Variants in EZH2 observed in about 807,000 individuals in gnomAD.
EZH2 encodes histone-lysine N-methyltransferase EZH2.
A neutral mutation model predicts 98.4 loss-of-function variants in EZH2; 18 were observed. That is an observed-to-expected ratio of 0.18 (90% CI 0.13 to 0.27). The LOEUF is 0.27. EZH2 is among the 10% of genes least tolerant of loss of function. The pLI is 1.00. For missense variants in EZH2, 470 were observed against 935.1 expected, an observed-to-expected ratio of 0.50 and a Z score of 6.49; for synonymous variants, 338 against 312.3, an observed-to-expected ratio of 1.08 and a Z score of -0.87.
chr7:148,827,413 T>C, intron 6 of EZH2, 147 bp from the exon 7 acceptor site: 1 of 600,240 alleles, frequency 1.7e-6, no homozygotes, highest in South Asian at 2.3e-5. Context: ...TCTCACATAC[T>C]TTACATGTCT....
At chr7:148,854,391 G>A (rs975340105) in intron 1 of EZH2, among the ~76,000 whole-genome samples, 2 of 150,626 alleles carry the variant, frequency 1.3e-5, no homozygotes, top group South Asian at 4.2e-4. Context: ...AGCCGAGATC[G>A]TGCCACTGCA....
intron 1 of EZH2, among the ~76,000 whole-genome samples, chr7:148,850,088 C>T (rs985915065): frequency 3.3e-5 from 5 of 151,958 alleles, no homozygotes; most frequent in African/African-American, 4.8e-5. Flanking sequence ...GTGCAATCTC[C>T]GCTCACTGCA....
At chr7:148,861,740 G>C (rs1391328721) in intron 1 of EZH2, among the ~76,000 whole-genome samples, 1 of 150,942 alleles carries the variant, frequency 6.6e-6, no homozygotes, top group Non-Finnish European at 1.5e-5. Context: ...CGGGGCTGAG[G>C]CAGGAGGACC....
chr7:148,809,923 C>G (rs1199727617), intron 17 of EZH2, among the ~76,000 whole-genome samples: 2 of 152,246 alleles, frequency 1.3e-5, no homozygotes, highest in Non-Finnish European at 2.9e-5. Context: ...CCTTTCCTCT[C>G]AGTCCTTTGA....
At chr7:148,816,931 T>A (rs1449821657) in intron 11 of EZH2, 153 bp from the exon 12 acceptor site, 1 of 623,660 alleles carries the variant, frequency 1.6e-6, no homozygotes, top group African/African-American at 1.8e-5. Context: ...ACCCTCACAT[T>A]AGGGGTAGCT....
chr7:148,812,225 C>T (rs1260890689), intron 15 of EZH2, among the ~76,000 whole-genome samples: 1 of 152,162 alleles, frequency 6.6e-6, no homozygotes, highest in Non-Finnish European at 1.5e-5. Flanking sequence ...CCCATAGCAG[C>T]TTGGCTTTGG....
chr7:148,830,544 C>T (rs759232469), intron 4 of EZH2, among the ~76,000 whole-genome samples: 1 of 151,910 alleles, frequency 6.6e-6, no homozygotes, highest in Non-Finnish European at 1.5e-5. Flanking sequence ...TCTAGGGATA[C>T]AGAGTATTGA....
chr7:148,882,960 T>C (rs1015625788), intron 1 of EZH2, among the ~76,000 whole-genome samples: 2 of 152,224 alleles, frequency 1.3e-5, no homozygotes, highest in African/African-American at 4.8e-5. Flanking sequence ...ACGAGACCAA[T>C]TAATAAGAAA....
chr7:148,881,952 A>G (rs1821028869), intron 1 of EZH2, among the ~76,000 whole-genome samples: 1 of 77,696 alleles, frequency 1.3e-5, no homozygotes, highest in Admixed American at 1.5e-4. Flanking sequence ...AAAAACATAT[A>G]CACACACACA....
chr7:148,865,065 T>C (rs1172718589), intron 1 of EZH2, among the ~76,000 whole-genome samples: 4 of 149,752 alleles, frequency 2.7e-5, no homozygotes, highest in Non-Finnish European at 5.9e-5. Context: ...AGGCAGAGGA[T>C]GCGTTAAGCT....
At chr7:148,883,216 C>A (rs1473687517) in intron 1 of EZH2, 1 of 152,198 alleles carries the variant, frequency 6.6e-6, no homozygotes, top group Non-Finnish European at 1.5e-5. Context: ...ACCAAGTTTT[C>A]CAAAAGATCG....
intron 11 of EZH2, chr7:148,817,008 G>A (rs1350450871): frequency 1.7e-6 from 1 of 599,204 alleles, no homozygotes; most frequent in African/African-American, 1.9e-5. Context: ...AAAAGCTACT[G>A]CTATCTAACC....
In EZH2 at chr7:148,811,697, G is replaced by A. The variant is rs749847544; in HGVS notation, c.1875C>T (p.Asp625=). 1.4e-5 allele frequency: 23 copies of A among 1,612,746 alleles called. No homozygotes were observed. The Middle Eastern group carries it at 8.2e-4, about 58-fold the overall frequency. ...TGATAAAAATCCCCCAGCCTGCCAC[G>A]TCAGATGGTGCCAGCAATAGATGCT... ...SKKHLLLAPS[D]VAGWGIFIKD... is the part of the protein sequence containing the mutation. The change falls in exon 16 of 20, where the codon GAC becomes GAT. Residue 625 remains aspartate (D), a synonymous_variant. Transcript: ENST00000320356.
At chr7:148,881,970 GCGCACACACACA>G (rs1350135185) in intron 1 of EZH2, among the ~76,000 whole-genome samples, 54 of 47,582 alleles carry the variant, frequency 1.1e-3, no homozygotes, top group Admixed American at 0.011. Flanking sequence ...ACACACGCGC[GCGCACACACACA>G]CACACACACA....
chr7:148,847,362 C>A, intron 1 of EZH2, 57 bp from the exon 2 acceptor site: 1 of 1,595,372 alleles, frequency 6.3e-7, no homozygotes, highest in Non-Finnish European at 8.5e-7. Flanking sequence ...AATATGATCA[C>A]CTGTGTTTTA....
At chr7:148,861,490 G>C (rs912056897) in intron 1 of EZH2, among the ~76,000 whole-genome samples, 21 of 152,066 alleles carry the variant, frequency 1.4e-4, no homozygotes, top group African/African-American at 4.8e-4. Context: ...GCCTCCCAAA[G>C]TGCTGGGATT....
intron 3 of EZH2, among the ~76,000 whole-genome samples, chr7:148,833,109 A>T (rs1303707421): frequency 6.6e-6 from 1 of 152,186 alleles, no homozygotes; most frequent in Non-Finnish European, 1.5e-5. Flanking sequence ...CATTCCAACC[A>T]CACAGAATAG....
intron 3 of EZH2, among the ~76,000 whole-genome samples, chr7:148,836,282 C>T (rs1810909604): frequency 6.6e-6 from 1 of 152,180 alleles, no homozygotes; most frequent in Non-Finnish European, 1.5e-5. Flanking sequence ...GATGGTCTAC[C>T]CCCACCTCAC....
chr7:148,812,713 A>G (rs757544214), intron 15 of EZH2, among the ~76,000 whole-genome samples: 1 of 152,232 alleles, frequency 6.6e-6, no homozygotes, highest in African/African-American at 2.4e-5. Context: ...TGGGGGGGAA[A>G]TTGAGATTTT....
Sources: allele counts gnomAD v4.1 joint callset (sites outside exome capture counted in the v4.1 genomes callset), GRCh38; gene constraint gnomAD v4.1.1; transcripts MANE v1.5; gene names NCBI Gene and HGNC (gene_info 2026-07-23, HGNC 2026-07-21).